OTUD7A: variants seen among roughly 807,000 people sequenced by gnomAD.
The protein encoded by OTUD7A is OTU domain-containing protein 7A.
Under a neutral mutation model 65.7 loss-of-function variants are expected in OTUD7A, and 12 were observed. That is an observed-to-expected ratio of 0.18 (90% CI 0.12 to 0.30). OTUD7A has a LOEUF of 0.30. OTUD7A is among the 10% of genes least tolerant of loss of function. OTUD7A has a pLI of 1.00. For synonymous variants in OTUD7A, 641 were observed against 586.3 expected (o/e 1.09, Z -1.35); for missense variants, 1,148 against 1,304.8 (o/e 0.88, Z 1.85).
intron 5 of OTUD7A, among the ~76,000 whole-genome samples, chr15:31,537,831 T>C (rs1217281144): frequency 1.3e-5 from 2 of 152,172 alleles, no homozygotes; most frequent in East Asian, 1.9e-4. Context: ...TCAGGGAGTA[T>C]AGGGAACATG....
intron 1 of OTUD7A, among the ~76,000 whole-genome samples, chr15:31,801,275 A>G (rs1374573320): frequency 6.6e-6 from 1 of 152,258 alleles, no homozygotes; most frequent in Non-Finnish European, 1.5e-5. Flanking sequence ...GGGCAGAGAT[A>G]GGTGTACTAC....
intron 1 of OTUD7A, among the ~76,000 whole-genome samples, chr15:31,746,008 T>C (rs34726265): frequency 0.074 from 11,286 of 152,168 alleles, 1,004 homozygotes; most frequent in African/African-American, 0.22. Context: ...CCCACTAGAA[T>C]GGCTAAAATT....
At chr15:31,715,978 G>A (rs1381902729) in intron 1 of OTUD7A, among the ~76,000 whole-genome samples, 13 of 43,894 alleles carry the variant, frequency 3.0e-4, no homozygotes, top group African/African-American at 4.6e-4. Flanking sequence ...AGAGAGAGCT[G>A]TGGCTCATGC....
At chr15:31,486,242 C>T (rs558030516) in intron 12 of OTUD7A, among the ~76,000 whole-genome samples, 2 of 152,310 alleles carry the variant, frequency 1.3e-5, no homozygotes, top group South Asian at 4.1e-4. Flanking sequence ...CACAGCACTA[C>T]GGGAGTGCTC....
intron 1 of OTUD7A, among the ~76,000 whole-genome samples, chr15:31,843,126 G>T (rs1200997486): frequency 3.3e-5 from 5 of 151,962 alleles, no homozygotes; most frequent in African/African-American, 1.2e-4. Flanking sequence ...TATGTGAGGA[G>T]TCGGGAAGTC....
In OTUD7A at chr15:31,476,612, CAT is replaced by C. The variant is rs1303423739; in HGVS notation, c.*6680_*6681del. ...TTGGCAATTCAAGCACAGGAATGCA[CAT>C]GTGTGGGCCCACTCACTGCTGGCTG... On this transcript the variant is annotated 3_prime_UTR_variant, in exon 13 of 13. Coordinates refer to ENST00000307050, the MANE Select transcript of OTUD7A (RefSeq NM_001382637.1). 1.3e-5 allele frequency: 2 copies of C among 152,262 alleles called. No homozygotes were observed. Among genetic ancestry groups the C allele is most frequent in the African/African-American group, 4.8e-5 (2 of 41,442 alleles). The allele number at this position is 152,262 out of a possible 1,614,324, so 9.4% of individuals were successfully genotyped here.
chr15:31,710,196 TC>T (rs1277138518), intron 1 of OTUD7A, among the ~76,000 whole-genome samples: 1 of 149,724 alleles, frequency 6.7e-6, no homozygotes, highest in Non-Finnish European at 1.5e-5. Flanking sequence ...TTATGTGTTT[TC>T]TGCACTTTCC....
intron 1 of OTUD7A, among the ~76,000 whole-genome samples, chr15:31,663,448 C>G (rs562916810): frequency 7.0e-6 from 1 of 143,402 alleles, no homozygotes; most frequent in Non-Finnish European, 1.5e-5. Flanking sequence ...CCCCACCCCC[C>G]GACAGGCCCC....
At chr15:31,699,935 G>A (rs140883585) in intron 1 of OTUD7A, among the ~76,000 whole-genome samples, 27 of 149,028 alleles carry the variant, frequency 1.8e-4, no homozygotes, top group Admixed American at 4.0e-4. Flanking sequence ...CCGTTGAACC[G>A]CTCACAATAA....
At chr15:31,734,435 C>T (rs1057317558) in intron 1 of OTUD7A, among the ~76,000 whole-genome samples, 4 of 152,120 alleles carry the variant, frequency 2.6e-5, no homozygotes, top group Non-Finnish European at 4.4e-5. Context: ...AAAAAAGAGC[C>T]TGAATAGCCA....
chr15:31,784,011 T>C (rs1208037925), intron 1 of OTUD7A, among the ~76,000 whole-genome samples: 1 of 152,202 alleles, frequency 6.6e-6, no homozygotes, highest in Non-Finnish European at 1.5e-5. Flanking sequence ...GTGATATTAA[T>C]GAATGTGATT....
intron 3 of OTUD7A, among the ~76,000 whole-genome samples, chr15:31,633,910 T>A (rs1891255568): frequency 6.6e-6 from 1 of 152,212 alleles, no homozygotes. Flanking sequence ...TGCGAGGAAC[T>A]CACTGCTTCT....
chr15:31,585,332 GC>G (rs1390775032), intron 3 of OTUD7A, among the ~76,000 whole-genome samples: 1 of 152,224 alleles, frequency 6.6e-6, no homozygotes, highest in Non-Finnish European at 1.5e-5. Context: ...TTCATGCGAG[GC>G]GTGGAAGGCA....
chr15:31,558,843 G>A (rs1023403459), intron 5 of OTUD7A, 126 bp downstream of exon 5: 2 of 1,028,722 alleles, frequency 1.9e-6, no homozygotes, highest in East Asian at 5.2e-5. Context: ...GCAGCATCTA[G>A]AATCCTAACT....
chr15:31,733,357 CCACT>C (rs1285201864), intron 1 of OTUD7A, among the ~76,000 whole-genome samples: 1 of 152,184 alleles, frequency 6.6e-6, no homozygotes, highest in Non-Finnish European at 1.5e-5. Context: ...ACCGTGGGCC[CCACT>C]CACTATCTGA....
At chr15:31,751,755 C>A (rs1894642306) in intron 1 of OTUD7A, among the ~76,000 whole-genome samples, 1 of 152,148 alleles carries the variant, frequency 6.6e-6, no homozygotes, top group Admixed American at 6.6e-5. Context: ...AAATAATGTC[C>A]TTTTCAAACA....
At chr15:31,752,429 A>G (rs1894662805) in intron 1 of OTUD7A, among the ~76,000 whole-genome samples, 1 of 152,218 alleles carries the variant, frequency 6.6e-6, no homozygotes, top group African/African-American at 2.4e-5. Context: ...GACAAGTGAT[A>G]GTTGCTTAAA....
chr15:31,858,926 A>C (rs1024277752), intron 1 of OTUD7A, among the ~76,000 whole-genome samples: 26 of 152,348 alleles, frequency 1.7e-4, no homozygotes, highest in African/African-American at 6.0e-4. Context: ...AGTCACTCTC[A>C]CCACCGTGGA....
chr15:31,631,853 T>G (rs1450228161), intron 3 of OTUD7A, among the ~76,000 whole-genome samples: 7 of 152,256 alleles, frequency 4.6e-5, no homozygotes, highest in Non-Finnish European at 8.8e-5. Context: ...CTTCCATCAC[T>G]GATACCCTTT....
Sources: gnomAD v4.1 joint callset for allele counts (sites outside exome capture counted in the v4.1 genomes callset) on GRCh38, gnomAD v4.1.1 for gene constraint, MANE v1.5 for transcripts, NCBI Gene and HGNC (gene_info 2026-07-23, HGNC 2026-07-21) for gene names.